Variants in PIGU observed in about 807,000 individuals in gnomAD.
PIGU encodes the protein GPI-anchor transamidase component PIGU.
PIGU carries 24 observed loss-of-function variants against 49.9 expected under a neutral mutation model. That is an observed-to-expected ratio of 0.48 (90% CI 0.35 to 0.68). PIGU has a LOEUF of 0.68. Among genes scored for constraint, PIGU ranks in the 30% least tolerant of loss-of-function variants. The pLI, the probability that PIGU is intolerant of heterozygous loss-of-function variation, is 0.01. For synonymous variants in PIGU, 220 were observed against 205.7 expected (o/e 1.07, Z -0.59); for missense variants, 490 against 532.6 (o/e 0.92, Z 0.79).
At position 34,560,793 on chromosome 20, in the gene PIGU, C is replaced by T. The variant is rs1982458369; in HGVS notation, c.*73G>A. ...CCCAAGCACTCGCCTGCTGGCAACT[C>T]TGGCTGGAGGGCTTGGCCCAGCTTC... is the stretch of plus-strand genomic sequence containing the variant. On this transcript the variant is annotated 3_prime_UTR_variant, in exon 12 of 12. Coordinates refer to ENST00000217446, the MANE Select transcript of PIGU (RefSeq NM_080476.5). 1.7e-6 allele frequency: 2 copies of T among 1,179,558 alleles called. No individual in the cohort carries two copies. Among genetic ancestry groups the T allele is most frequent in the Non-Finnish European group, 2.3e-6 (2 of 861,276 alleles). 73.1% of individuals were successfully genotyped at this position (1,179,558 alleles called of 1,614,324 possible). A position where few individuals can be genotyped will look rare whatever the true frequency, so the allele number is the denominator to read the frequency against.
rs1442300412 is a variant in PIGU, at chr20:34,588,446, T to TA, written c.782+6dup. On this transcript the variant is annotated splice_region_variant and intron_variant, in intron 8 of 11. Coordinates refer to ENST00000217446, the MANE Select transcript of PIGU (RefSeq NM_080476.5). ...TTCTAGAATTTTCTAACGTGGTCAT[T>TA]ACTTACATAAAGCCATAGACTGCGG... is the stretch of plus-strand genomic sequence containing the variant. The TA allele has an allele frequency of 6.2e-7, 1 of 1,610,670 alleles. No homozygotes were observed. Among genetic ancestry groups the TA allele is most frequent in the South Asian group, 1.1e-5 (1 of 90,582 alleles).
At chr20:34,609,457 C>A (rs1053003388) in intron 7 of PIGU, among the ~76,000 whole-genome samples, 1 of 152,040 alleles carries the variant, frequency 6.6e-6, no homozygotes, top group Non-Finnish European at 1.5e-5. Context: ...CTCCACCTTC[C>A]GCGTTCAAGC....
rs1432678643 is a variant in PIGU at position 34,676,863 on chromosome 20, C to A, written c.130+93G>T. 7.9e-6 allele frequency: 12 copies of A among 1,523,884 alleles called. No homozygotes were observed. The South Asian group carries it at 8.4e-5, about 11-fold the overall frequency. 94.4% of individuals were successfully genotyped at this position (1,523,884 alleles called of 1,614,324 possible). On this transcript the variant is annotated intron_variant, in intron 1 of 11. Coordinates refer to ENST00000217446, the MANE Select transcript of PIGU (RefSeq NM_080476.5). ...GACAGTCAGTTAGTTCTCTAGGAACCGCGCGCTGGCGGTCACTGCCCCCGC... is the reference window on the plus strand; with the variant it reads ...GACAGTCAGTTAGTTCTCTAGGAACAGCGCGCTGGCGGTCACTGCCCCCGC...
chr20:34,616,068 C>T lies in PIGU; in HGVS notation c.601G>A (p.Val201Ile), dbSNP rs1568640923. 1.2e-6 allele frequency: 2 copies of T among 1,612,306 alleles called. No individual in the cohort carries two copies. Among genetic ancestry groups the T allele is most frequent in the Non-Finnish European group, 1.7e-6 (2 of 1,179,342 alleles). ...TGGAGGAGATAGAGGAGTCCTGGGA[C>T]AAACAAGGTGAGTGGGTACAGAGAC... is the stretch of plus-strand genomic sequence containing the variant. ...YQSLYPLTLF[V>I]PGLLYLLQRQ... Residue 201 changes from valine (V) to isoleucine (I), a missense_variant, in exon 7 of 12, where the codon GTC (valine) becomes ATC (isoleucine). Physicochemically the swap from Val to Ile is conservative, Grantham distance 29. Transcript: ENST00000217446.
Position 34,560,841 on chromosome 20 carries a change from C to T in PIGU, c.*25G>A, listed in dbSNP as rs527586356. ...TTCTGGCCCCACAGCCCCCTGAGGT[C>T]CATGCAGCCCTGTGCCAGCCAGGCC... On this transcript the variant is annotated 3_prime_UTR_variant, in exon 12 of 12. Transcript: ENST00000217446. 7.9e-6 allele frequency: 12 copies of T among 1,518,700 alleles called. No homozygotes were observed. The South Asian group carries it at 8.3e-5, about 10-fold the overall frequency. The allele number at this position is 1,518,700 out of a possible 1,614,324, so 94.1% of individuals were successfully genotyped here.
intron 1 of PIGU, among the ~76,000 whole-genome samples, chr20:34,664,512 A>T (rs1987026403): frequency 6.6e-6 from 1 of 151,928 alleles, no homozygotes; most frequent in South Asian, 2.1e-4. Flanking sequence ...CAGCCTGGCC[A>T]ACATGGTGAA....
At chr20:34,636,299 T>C (rs956585130) in intron 5 of PIGU, among the ~76,000 whole-genome samples, 56 of 152,054 alleles carry the variant, frequency 3.7e-4, no homozygotes, top group African/African-American at 1.3e-3. Flanking sequence ...TCCCAGCACT[T>C]TGGGAGGCCG....
intron 6 of PIGU, among the ~76,000 whole-genome samples, chr20:34,622,328 C>A (rs1287941487): frequency 2.0e-5 from 3 of 151,968 alleles, no homozygotes; most frequent in Non-Finnish European, 2.9e-5. Context: ...ACCAGCCTGG[C>A]CAATATGGTG....
intron 7 of PIGU, among the ~76,000 whole-genome samples, chr20:34,599,733 A>G (rs1243174546): frequency 2.0e-5 from 3 of 152,178 alleles, no homozygotes; most frequent in Non-Finnish European, 4.4e-5. Flanking sequence ...TAAAGACTTT[A>G]AGGATGATGG....
rs558192086 is a variant in PIGU at position 34,650,696 on chromosome 20, T to C, written c.196-5362A>G. On this transcript the variant is annotated intron_variant, in intron 2 of 11. Coordinates refer to ENST00000217446, the MANE Select transcript of PIGU (RefSeq NM_080476.5). ...TGGTAATTTTTTTCCTTTTCTTTTTTTCTCTTTTTTTTTTTTTTTTTTTTT... is the reference window on the plus strand; with the variant it reads ...TGGTAATTTTTTTCCTTTTCTTTTTCTCTCTTTTTTTTTTTTTTTTTTTTT... 1.1e-4 allele frequency among the ~76,000 whole-genome samples: 14 copies of C among 130,656 alleles called. No individual in the cohort carries two copies. In the South Asian group the frequency reaches 1.2e-3, roughly 11 times the overall value. 85.7% of individuals were successfully genotyped at this position (130,656 alleles called of 152,430 possible).
chr20:34,602,699 A>G (rs1984472082), intron 7 of PIGU, among the ~76,000 whole-genome samples: 1 of 152,228 alleles, frequency 6.6e-6, no homozygotes, highest in Non-Finnish European at 1.5e-5. Flanking sequence ...ATTTTATTAC[A>G]AACACAAAAT....
intron 7 of PIGU, among the ~76,000 whole-genome samples, chr20:34,595,640 T>G (rs80094188): frequency 5.9e-5 from 9 of 152,330 alleles, no homozygotes; most frequent in African/African-American, 2.2e-4. Context: ...TATTTTACAT[T>G]CCCTTCACTT....
chr20:34,637,802 A>C, intron 5 of PIGU, 74 bp downstream of exon 5: 1 of 1,585,280 alleles, frequency 6.3e-7, no homozygotes, highest in Non-Finnish European at 8.5e-7. Context: ...AATACAACAA[A>C]CAACATGGGA....
intron 11 of PIGU, among the ~76,000 whole-genome samples, chr20:34,563,635 A>G (rs1185896063): frequency 5.6e-5 from 8 of 142,028 alleles, no homozygotes; most frequent in South Asian, 2.3e-4. Context: ...GGGGGGGGGG[A>G]GATAAATCTT....
chr20:34,617,065 G>A (rs988723592), intron 6 of PIGU, among the ~76,000 whole-genome samples: 2 of 152,226 alleles, frequency 1.3e-5, no homozygotes, highest in African/African-American at 2.4e-5. Context: ...AGCTGAGATT[G>A]TACCACAGCA....
intron 6 of PIGU, among the ~76,000 whole-genome samples, chr20:34,618,460 C>T (rs923853119): frequency 2.0e-5 from 3 of 152,132 alleles, no homozygotes; most frequent in African/African-American, 7.2e-5. Context: ...CCCATGCTCA[C>T]TCTCATTAGT....
At chr20:34,649,214 C>T (rs909958872) in intron 2 of PIGU, among the ~76,000 whole-genome samples, 3 of 151,748 alleles carry the variant, frequency 2.0e-5, no homozygotes, top group African/African-American at 7.3e-5. Context: ...TTTTCTTTGA[C>T]CTTCTCCTAC....
At chr20:34,612,953 T>G (rs900916679) in intron 7 of PIGU, among the ~76,000 whole-genome samples, 12 of 152,268 alleles carry the variant, frequency 7.9e-5, no homozygotes, top group African/African-American at 2.9e-4. Flanking sequence ...AAGAATGGAC[T>G]AATACACCAG....
chr20:34,633,687 C>A (rs1165662273), intron 6 of PIGU, among the ~76,000 whole-genome samples: 1 of 152,002 alleles, frequency 6.6e-6, no homozygotes, highest in East Asian at 1.9e-4. Context: ...CCTGCCTCAG[C>A]CTCCTGAGTA....
Sources: allele counts gnomAD v4.1 joint callset (sites outside exome capture counted in the v4.1 genomes callset), GRCh38; gene constraint gnomAD v4.1.1; transcripts MANE v1.5; gene names NCBI Gene and HGNC (gene_info 2026-07-23, HGNC 2026-07-21).